Variants in PARD3 observed in about 807,000 individuals in gnomAD.
PARD3 encodes par-3 family cell polarity regulator, also known as partitioning defective 3 homolog.
A neutral mutation model predicts 155.4 loss-of-function variants in PARD3; 75 were observed. The ratio of observed to expected loss-of-function variants is 0.48; its 90% CI spans 0.40 to 0.58. PARD3 has a LOEUF of 0.58. Ranked by LOEUF, PARD3 falls within the 20% of genes least tolerant of loss-of-function variation. PARD3 has a pLI of 0.00. For synonymous variants in PARD3, 576 were observed against 610.5 expected (o/e 0.94, Z 0.83); for missense variants, 1,642 against 1,721.7 (o/e 0.95, Z 0.82).
chr10:34,402,409 C>T (rs1843983278), intron 5 of PARD3, among the ~76,000 whole-genome samples: 1 of 152,150 alleles, frequency 6.6e-6, no homozygotes, highest in African/African-American at 2.4e-5. Flanking sequence ...GTTCTTGATT[C>T]CTGCTAACAC....
chr10:34,157,843 A>T (rs1447227868), intron 22 of PARD3, among the ~76,000 whole-genome samples: 2 of 152,248 alleles, frequency 1.3e-5, no homozygotes, highest in Non-Finnish European at 1.5e-5. Flanking sequence ...GATGTTGGAA[A>T]ATTAGAAAAA....
intron 18 of PARD3, among the ~76,000 whole-genome samples, chr10:34,335,066 C>T (rs1368065140): frequency 6.6e-6 from 1 of 151,882 alleles, no homozygotes; most frequent in Non-Finnish European, 1.5e-5. Flanking sequence ...ACTGTAAAAA[C>T]TAACTACTAT....
At chr10:34,381,084 A>G (rs1192840684) in intron 9 of PARD3, among the ~76,000 whole-genome samples, 4 of 152,228 alleles carry the variant, frequency 2.6e-5, no homozygotes, top group South Asian at 2.1e-4. Flanking sequence ...CTTAAAAACC[A>G]GTAACCAGAA....
At chr10:34,567,207 A>C (rs1428126884) in intron 2 of PARD3, among the ~76,000 whole-genome samples, 2 of 152,232 alleles carry the variant, frequency 1.3e-5, no homozygotes. Context: ...AGAGAAAATG[A>C]TACTGAACAA....
intron 2 of PARD3, among the ~76,000 whole-genome samples, chr10:34,586,694 C>G (rs142428247): frequency 1.6e-3 from 249 of 152,298 alleles, no homozygotes; most frequent in African/African-American, 5.7e-3. Flanking sequence ...GGCCTGTAAT[C>G]CCAACACTTT....
intron 1 of PARD3, among the ~76,000 whole-genome samples, chr10:34,729,546 G>T (rs1301768115): frequency 7.0e-6 from 1 of 142,646 alleles, no homozygotes; most frequent in Non-Finnish European, 1.6e-5. Flanking sequence ...AAAAAAAAAA[G>T]ATAAGATAAG....
intron 2 of PARD3, among the ~76,000 whole-genome samples, chr10:34,621,357 C>T (rs1363349947): frequency 1.3e-5 from 2 of 152,000 alleles, no homozygotes; most frequent in South Asian, 2.1e-4. Flanking sequence ...CCACCACGCC[C>T]GGCTAATTTT....
intron 3 of PARD3, among the ~76,000 whole-genome samples, chr10:34,482,696 G>A (rs977509946): frequency 5.9e-5 from 9 of 152,080 alleles, no homozygotes; most frequent in Non-Finnish European, 1.2e-4. Context: ...GATTCTTTTT[G>A]TACTTTCAGA....
intron 5 of PARD3, among the ~76,000 whole-genome samples, chr10:34,420,001 G>A (rs1195061931): frequency 6.6e-6 from 1 of 152,198 alleles, no homozygotes; most frequent in African/African-American, 2.4e-5. Context: ...AGCCAGGCTG[G>A]AGTGCAATGG....
chr10:34,364,997 A>G (rs1166111920), intron 12 of PARD3, among the ~76,000 whole-genome samples: 1 of 152,222 alleles, frequency 6.6e-6, no homozygotes. Flanking sequence ...CTAAAAAATA[A>G]ATAAAAATAA....
At chr10:34,563,621 C>T (rs1198342266) in intron 2 of PARD3, among the ~76,000 whole-genome samples, 2 of 151,666 alleles carry the variant, frequency 1.3e-5, no homozygotes, top group Non-Finnish European at 2.9e-5. Context: ...ACCTCTGTCT[C>T]CTGGGTTCAA....
intron 2 of PARD3, among the ~76,000 whole-genome samples, chr10:34,667,029 G>A (rs2093503327): frequency 6.6e-6 from 1 of 151,796 alleles, no homozygotes; most frequent in Non-Finnish European, 1.5e-5. Flanking sequence ...ATTAGCCGAC[G>A]TGGTGGCGCA....
At chr10:34,309,895 C>A (rs1392307098) in intron 20 of PARD3, among the ~76,000 whole-genome samples, 3 of 95,856 alleles carry the variant, frequency 3.1e-5, no homozygotes, top group African/African-American at 9.1e-5. Flanking sequence ...GATCAACCAT[C>A]CAAAAAAAAA....
chr10:34,564,547 G>A (rs1344673402), intron 2 of PARD3, among the ~76,000 whole-genome samples: 1 of 152,210 alleles, frequency 6.6e-6, no homozygotes, highest in Non-Finnish European at 1.5e-5. Context: ...TGGAATGTGT[G>A]TGATGGAGCT....
intron 1 of PARD3, among the ~76,000 whole-genome samples, chr10:34,759,835 C>T (rs1046291087): frequency 3.3e-5 from 5 of 152,168 alleles, no homozygotes; most frequent in Non-Finnish European, 7.3e-5. Context: ...GACAAACTGC[C>T]TTATGGCTTA....
At chr10:34,665,840 A>AAGAAC (rs60764123) in intron 2 of PARD3, among the ~76,000 whole-genome samples, 23,957 of 136,546 alleles carry the variant, frequency 0.18, 2,450 homozygotes, top group Middle Eastern at 0.21. Context: ...GTCTCAATTA[A>AAGAAC]AGAACAGAAC....
chr10:34,448,063 T>C (rs2076846996), intron 5 of PARD3, among the ~76,000 whole-genome samples: 1 of 151,896 alleles, frequency 6.6e-6, no homozygotes, highest in Admixed American at 6.6e-5. Context: ...AAATTCACAA[T>C]AGCCAAGATA....
intron 20 of PARD3, among the ~76,000 whole-genome samples, chr10:34,286,439 G>A (rs1956394896): frequency 6.6e-6 from 1 of 152,244 alleles, no homozygotes; most frequent in South Asian, 2.1e-4. Flanking sequence ...GGACTGACGG[G>A]GAGGGTGATG....
intron 5 of PARD3, among the ~76,000 whole-genome samples, chr10:34,421,289 T>A (rs1272315461): frequency 1.3e-5 from 2 of 150,834 alleles, no homozygotes; most frequent in African/African-American, 4.9e-5. Context: ...ATTGTACTAC[T>A]TATTAATAAT....
Sources: gnomAD v4.1 joint callset for allele counts (sites outside exome capture counted in the v4.1 genomes callset) on GRCh38, gnomAD v4.1.1 for gene constraint, MANE v1.5 for transcripts, NCBI Gene and HGNC (gene_info 2026-07-23, HGNC 2026-07-21) for gene names.